Variants in CLDN16 observed in about 807,000 individuals in gnomAD.
CLDN16 encodes claudin 16, also known as claudin-16.
Under a neutral mutation model 24.6 loss-of-function variants are expected in CLDN16, and 13 were observed. That is an observed-to-expected ratio of 0.53 (90% CI 0.34 to 0.84). CLDN16 has a LOEUF of 0.84. Among genes scored for constraint, CLDN16 ranks in the 40% least tolerant of loss-of-function variants. CLDN16 has a pLI of 0.01. For synonymous variants in CLDN16, 116 were observed against 106.7 expected, an observed-to-expected ratio of 1.09 and a Z score of -0.54; for missense variants, 298 against 292.7, an observed-to-expected ratio of 1.02 and a Z score of -0.13.
the CLDN16 span, among the ~76,000 whole-genome samples, chr3:190,301,254 G>A: frequency 2.0e-5 from 3 of 152,086 alleles, no homozygotes; most frequent in African/African-American, 7.2e-5. Context: ...CAGCACTTTG[G>A]GAGACTGAGG....
chr3:190,347,535 T>G (rs1717577153), intron 1 of CLDN16, among the ~76,000 whole-genome samples: 2 of 152,174 alleles, frequency 1.3e-5, no homozygotes, highest in South Asian at 4.1e-4. Flanking sequence ...TACTTATGAG[T>G]GTCTGCCACA....
At chr3:190,294,850 A>T in the CLDN16 span, among the ~76,000 whole-genome samples, 657 of 152,264 alleles carry the variant, frequency 4.3e-3, 28 homozygotes, top group South Asian at 0.085. Context: ...TTGCAAACTC[A>T]GTAAGAAAGT....
the CLDN16 span, among the ~76,000 whole-genome samples, chr3:190,316,552 C>A: frequency 1.3e-5 from 2 of 152,192 alleles, no homozygotes; most frequent in Admixed American, 1.3e-4. Context: ...ATGTGCAGAT[C>A]AAATCTAAAT....
At chr3:190,367,937 A>G (rs1446244013) in intron 1 of CLDN16, among the ~76,000 whole-genome samples, 3 of 151,836 alleles carry the variant, frequency 2.0e-5, no homozygotes, top group Admixed American at 1.3e-4. Context: ...TTACATTCCC[A>G]TAATCTTTCC....
the CLDN16 span, among the ~76,000 whole-genome samples, chr3:190,314,891 A>T: frequency 2.0e-5 from 3 of 152,132 alleles, no homozygotes; most frequent in Admixed American, 2.0e-4. Context: ...ACTTATCTCA[A>T]GATTCCAGGT....
At chr3:190,333,208 T>C (rs2108624339) in intron 1 of CLDN16, among the ~76,000 whole-genome samples, 1 of 152,252 alleles carries the variant, frequency 6.6e-6, no homozygotes. Flanking sequence ...CTCAATAAAA[T>C]TAGGTAATTT....
At chr3:190,295,898 C>G in the CLDN16 span, among the ~76,000 whole-genome samples, 2 of 152,190 alleles carry the variant, frequency 1.3e-5, no homozygotes, top group African/African-American at 4.8e-5. Flanking sequence ...TTTATGTAAT[C>G]AGGCATTTTT....
chr3:190,379,983 A>ATCTATCTG (rs1467844677), intron 3 of CLDN16, among the ~76,000 whole-genome samples: 1 of 127,374 alleles, frequency 7.9e-6, no homozygotes, highest in African/African-American at 2.7e-5. Context: ...CTGTCTATCT[A>ATCTATCTG]TCTATCTATC....
the CLDN16 span, among the ~76,000 whole-genome samples, chr3:190,317,021 T>C: frequency 5.3e-5 from 8 of 152,306 alleles, no homozygotes; most frequent in African/African-American, 1.9e-4. Context: ...AAGTTTTGTT[T>C]CTTTTTGCCC....
chr3:190,358,245 T>C (rs1388414176), intron 1 of CLDN16, among the ~76,000 whole-genome samples: 1 of 151,972 alleles, frequency 6.6e-6, no homozygotes, highest in Non-Finnish European at 1.5e-5. Flanking sequence ...AGAGTGTGAC[T>C]CTGTGAATTT....
At chr3:190,379,343 A>G (rs1391468870) in intron 3 of CLDN16, among the ~76,000 whole-genome samples, 1 of 152,090 alleles carries the variant, frequency 6.6e-6, no homozygotes, top group Non-Finnish European at 1.5e-5. Context: ...GAATGCTCAC[A>G]GTAAAATATC....
intron 1 of CLDN16, among the ~76,000 whole-genome samples, chr3:190,335,431 C>T (rs966176484): frequency 6.6e-6 from 1 of 151,188 alleles, no homozygotes; most frequent in Non-Finnish European, 1.5e-5. Context: ...AAGGTTTATC[C>T]TGGCTGGGTG....
chr3:190,408,031 G>A (rs958189789), intron 3 of CLDN16, among the ~76,000 whole-genome samples: 1 of 152,124 alleles, frequency 6.6e-6, no homozygotes, highest in Admixed American at 6.5e-5. Flanking sequence ...GAGAATCAAA[G>A]AAAACCATAA....
chr3:190,357,943 G>T (rs1253073869), intron 1 of CLDN16, among the ~76,000 whole-genome samples: 3 of 151,852 alleles, frequency 2.0e-5, no homozygotes, highest in South Asian at 4.1e-4. Flanking sequence ...TCACAGGAGA[G>T]ATTGTTTGTT....
intron 1 of CLDN16, among the ~76,000 whole-genome samples, chr3:190,353,062 CTGAG>C (rs1196801516): frequency 6.6e-6 from 1 of 151,962 alleles, no homozygotes; most frequent in East Asian, 1.9e-4. Context: ...TTAATATTTG[CTGAG>C]TAAGTGATTT....
chr3:190,322,268 G>A, upstream of CLDN16: 2 of 1,487,278 alleles, frequency 1.3e-6, no homozygotes, highest in Non-Finnish European at 1.9e-6. Flanking sequence ...AGAGTTTGCA[G>A]GTGGGCAACC....
At chr3:190,404,235 A>G (rs571486114) in intron 2 of CLDN16, among the ~76,000 whole-genome samples, 2 of 152,326 alleles carry the variant, frequency 1.3e-5, no homozygotes, top group South Asian at 4.1e-4. Flanking sequence ...TCCTTCTTCT[A>G]AAGATCTCCT....
chr3:190,376,560 A>C (rs1043590148), intron 3 of CLDN16, among the ~76,000 whole-genome samples: 3 of 151,924 alleles, frequency 2.0e-5, no homozygotes, highest in Non-Finnish European at 4.4e-5. Flanking sequence ...GAGTCTGAAA[A>C]AGTTACGGGA....
At chr3:190,353,366 C>G (rs964579688) in intron 1 of CLDN16, among the ~76,000 whole-genome samples, 3 of 152,000 alleles carry the variant, frequency 2.0e-5, no homozygotes, top group Non-Finnish European at 4.4e-5. Flanking sequence ...GATGAGTGCA[C>G]CCAGCTTCCA....
Sources: gnomAD v4.1 joint callset for allele counts (sites outside exome capture counted in the v4.1 genomes callset) on GRCh38, gnomAD v4.1.1 for gene constraint, MANE v1.5 for transcripts, NCBI Gene and HGNC (gene_info 2026-07-23, HGNC 2026-07-21) for gene names.